Variants in CAMTA2 observed in about 807,000 individuals in gnomAD.
CAMTA2 encodes the protein calmodulin binding transcription activator 2.
Under a neutral mutation model 135.7 loss-of-function variants are expected in CAMTA2, and 56 were observed. The ratio of observed to expected loss-of-function variants is 0.41; its 90% CI spans 0.33 to 0.52. CAMTA2 has a LOEUF of 0.52. Among genes scored for constraint, CAMTA2 ranks in the 20% least tolerant of loss-of-function variants. CAMTA2 has a pLI of 0.16. For synonymous variants in CAMTA2, 591 were observed against 604.6 expected, an observed-to-expected ratio of 0.98 and a Z score of 0.33; for missense variants, 1,358 against 1,553.4, an observed-to-expected ratio of 0.87 and a Z score of 2.11.
At chr17:4,981,419 G>T in intron 7 of CAMTA2, 60 bp from the exon 8 acceptor site, 1 of 1,590,588 alleles carries the variant, frequency 6.3e-7, no homozygotes, top group South Asian at 1.1e-5. Flanking sequence ...AGAGTACCTT[G>T]ATGGCTCCTC....
chr17:4,971,743 C>T (rs1972301087), intron 16 of CAMTA2, among the ~76,000 whole-genome samples: 1 of 142,098 alleles, frequency 7.0e-6, no homozygotes, highest in African/African-American at 2.7e-5. Flanking sequence ...GGCTGGAGTG[C>T]AGTGGTGCAG....
rs763066483 is a variant in CAMTA2 at position 4,968,703 on chromosome 17, C to T, written c.*53G>A. The stretch of plus-strand genomic sequence containing the variant: ...CCCCCTGCCCCAGAAAGCCCTCTCC[C>T]TGTTAAGACTGCACGAGGCGCCCCC... On this transcript the variant is annotated 3_prime_UTR_variant, in exon 23 of 23. Coordinates refer to ENST00000348066, the MANE Select transcript of CAMTA2 (RefSeq NM_015099.4). 1.9e-6 allele frequency: 3 copies of T among 1,610,424 alleles called. No individual in the cohort carries two copies. In the Admixed American group the frequency reaches 5.0e-5, roughly 27 times the overall value.
chr17:4,969,796 C>T lies in CAMTA2; in HGVS notation c.3190-95G>A, dbSNP rs1485295695. On this transcript the variant is annotated intron_variant, in intron 18 of 22. Coordinates refer to ENST00000348066, the MANE Select transcript of CAMTA2 (RefSeq NM_015099.4). This position sits in a 1 kb window ranked among gnomAD's most constrained non-coding sequence, Gnocchi z 5.6. ...CCTGGGGTTCCCCTGACCCTTTACC[C>T]CATCCAAGGCCTGTCTGCACGACTA... The T allele has an allele frequency of 1.3e-6, 2 of 1,588,234 alleles. No individual in the cohort carries two copies. Among genetic ancestry groups the T allele is most frequent in the East Asian group, 2.2e-5 (1 of 44,690 alleles).
intron 3 of CAMTA2, chr17:4,983,600 T>C (rs1484607292): frequency 6.6e-6 from 1 of 150,512 alleles, no homozygotes; most frequent in Non-Finnish European, 1.5e-5. Flanking sequence ...TTTTTTTCTT[T>C]TGAGGCAGAA....
intron 17 of CAMTA2, 61 bp from the exon 18 acceptor site, chr17:4,970,146 T>C (rs1972183569): frequency 6.5e-7 from 1 of 1,540,432 alleles, no homozygotes; most frequent in Non-Finnish European, 8.9e-7. Context: ...CTGCCACCTA[T>C]GGATGGCTAC....
intron 16 of CAMTA2, among the ~76,000 whole-genome samples, 158 bp from the exon 17 acceptor site, chr17:4,970,694 T>C (rs1190335551): frequency 6.6e-6 from 1 of 152,196 alleles, no homozygotes; most frequent in African/African-American, 2.4e-5. Context: ...CTGATGGGGC[T>C]CCCACTTGGG....
intron 11 of CAMTA2, among the ~76,000 whole-genome samples, chr17:4,975,409 G>T (rs1037840876): frequency 1.3e-5 from 2 of 152,094 alleles, no homozygotes; most frequent in African/African-American, 4.8e-5. Context: ...AAGAAAGGAC[G>T]ATAAAAGACA....
At chr17:4,982,215 C>G in intron 5 of CAMTA2, 55 bp from the exon 6 acceptor site, 1 of 1,148,038 alleles carries the variant, frequency 8.7e-7, no homozygotes, top group South Asian at 1.2e-5. Flanking sequence ...CCAACTCTTC[C>G]TCTGTTCAGT....
At chr17:4,986,576 G>C (rs1973327156) in intron 1 of CAMTA2, 1 of 512,146 alleles carries the variant, frequency 2.0e-6, no homozygotes, top group African/African-American at 2.0e-5. Context: ...TAAACCTTGA[G>C]CTTTTGCACA....
intron 13 of CAMTA2, 40 bp downstream of exon 13, chr17:4,973,545 C>T (rs1396711748): frequency 6.4e-7 from 1 of 1,572,104 alleles, no homozygotes; most frequent in African/African-American, 1.3e-5. Context: ...CACTTCTGTC[C>T]CAGAGGCTGC....
chr17:4,985,817 C>G, intron 3 of CAMTA2, 63 bp downstream of exon 3: 2 of 994,066 alleles, frequency 2.0e-6, no homozygotes, highest in Non-Finnish European at 3.2e-6. Flanking sequence ...AAAGACCCCC[C>G]ACTCACCCTC....
At chr17:4,973,087 A>T in intron 14 of CAMTA2, 88 bp downstream of exon 14, 2 of 1,508,098 alleles carry the variant, frequency 1.3e-6, no homozygotes, top group Non-Finnish European at 1.8e-6. Context: ...AGCCCACCCC[A>T]CTCCCTGCAT....
At chr17:4,983,065 G>A (rs750132733) in intron 3 of CAMTA2, 22 bp from the exon 4 acceptor site, 1 of 1,602,310 alleles carries the variant, frequency 6.2e-7, no homozygotes, top group South Asian at 1.1e-5. Flanking sequence ...GAGGCACTCA[G>A]CTGGGCATCT....
Position 4,983,011 on chromosome 17 carries a change from C to T in CAMTA2, c.168G>A (p.Lys56=), listed in dbSNP as rs997184434. 1.2e-6 allele frequency: 2 copies of T among 1,614,162 alleles called. No individual in the cohort carries two copies. The highest frequency in any genetic ancestry group is 1.7e-6 in the Non-Finnish European group (2 of 1,180,006). ...GGGCACAAGACAGCCACTCATCATGCTTCTCAAAGGTGATCAGGTAGGATG... is the reference window on the plus strand; with the variant it reads ...GGGCACAAGACAGCCACTCATCATGTTTCTCAAAGGTGATCAGGTAGGATG... ...EIASYLITFE[K]HDEWLSCAPK... The change falls in exon 4 of 23, where the codon AAG becomes AAA. Residue 56 remains lysine, a synonymous_variant. Coordinates refer to ENST00000348066, the MANE Select transcript of CAMTA2 (RefSeq NM_015099.4).
chr17:4,974,693 A>C, intron 11 of CAMTA2, 193 bp from the exon 12 acceptor site: 1 of 541,586 alleles, frequency 1.8e-6, no homozygotes, highest in Non-Finnish European at 3.3e-6. Context: ...TAGGGCTGTT[A>C]ATACTACCCA....
chr17:4,985,610 G>A (rs1242303895), intron 3 of CAMTA2, among the ~76,000 whole-genome samples: 1 of 152,072 alleles, frequency 6.6e-6, no homozygotes, highest in African/African-American at 2.4e-5. Flanking sequence ...TTTTAGTAGA[G>A]ACGGGGTTCC....
At chr17:4,984,709 G>A (rs1012995531) in intron 3 of CAMTA2, among the ~76,000 whole-genome samples, 2 of 152,176 alleles carry the variant, frequency 1.3e-5, no homozygotes, top group Middle Eastern at 6.3e-3. Context: ...GAAAGAGCCA[G>A]TATCAGTGGT....
intron 16 of CAMTA2, among the ~76,000 whole-genome samples, chr17:4,970,843 G>T (rs1972239500): frequency 6.6e-6 from 1 of 152,206 alleles, no homozygotes; most frequent in South Asian, 2.1e-4. Flanking sequence ...CCTGCCCCAT[G>T]CCAGCTGACC....
intron 11 of CAMTA2, among the ~76,000 whole-genome samples, chr17:4,975,100 C>G (rs1056760630): frequency 6.6e-6 from 1 of 152,070 alleles, no homozygotes; most frequent in Admixed American, 6.6e-5. Flanking sequence ...TATACAAATA[C>G]GCACGTACAC....
Sources: gnomAD v4.1 joint callset for allele counts (sites outside exome capture counted in the v4.1 genomes callset) on GRCh38, gnomAD v4.1.1 for gene constraint, Gnocchi (gnomAD v3.1) non-coding constraint, MANE v1.5 for transcripts, NCBI Gene and HGNC (gene_info 2026-07-23, HGNC 2026-07-21) for gene names.